Variants in OR6P1 observed in about 807,000 individuals in gnomAD.
The protein encoded by OR6P1 is olfactory receptor 6P1.
OR6P1 carries 5 observed loss-of-function variants against 6.6 expected under a neutral mutation model. That is an observed-to-expected ratio of 0.76 (90% confidence interval 0.40 to 1.60). The LOEUF is 1.60. Among genes scored for constraint, OR6P1 ranks in the 40% most tolerant of loss-of-function variants. OR6P1 has a pLI of 0.02. For missense variants in OR6P1, 451 were observed against 383.0 expected (o/e 1.18, Z -1.48); for synonymous variants, 177 against 149.6 (o/e 1.18, Z -1.33).
intron 1 of OR6P1, among the ~76,000 whole-genome samples, chr1:158,569,250 T>C (rs1048071996): frequency 2.6e-5 from 4 of 152,198 alleles, no homozygotes; most frequent in African/African-American, 9.7e-5. Context: ...CATGTAGATA[T>C]CACTTGGATC....
At chr1:158,570,274 A>C (rs1402673427) in intron 1 of OR6P1, among the ~76,000 whole-genome samples, 168 bp downstream of exon 1, 4 of 152,256 alleles carry the variant, frequency 2.6e-5, no homozygotes, top group African/African-American at 7.2e-5. Context: ...AATCATAAAC[A>C]CATGAACAAA....
chr1:158,569,998 G>A lies in OR6P1; in HGVS notation c.-118+444C>T, dbSNP rs576203785. Among the ~76,000 whole-genome samples the A allele has an allele frequency of 3.3e-5, 5 of 152,052 alleles. 1 individual carries two copies. In the South Asian group the frequency reaches 6.2e-4, roughly 19 times the overall value. On this transcript the variant is annotated intron_variant, in intron 1 of 2. Transcript: ENST00000641540. Reference sequence around the variant, plus strand: ...TTTTGTTTTTTTTTAAATCTCATTCGAATTCGTAGATATAGACTTAATATG... The same window carrying A: ...TTTTGTTTTTTTTTAAATCTCATTCAAATTCGTAGATATAGACTTAATATG...
chr1:158,566,504 G>A (rs953909270), intron 2 of OR6P1, among the ~76,000 whole-genome samples: 32 of 152,110 alleles, frequency 2.1e-4, no homozygotes, highest in African/African-American at 7.2e-4. Flanking sequence ...GAGATGCTAA[G>A]GCAGACTGAA....
rs375657403 is a variant in OR6P1, at chr1:158,567,347, G to A, written c.-117-489C>T. The stretch of plus-strand genomic sequence containing the variant: ...CTGCTATAAAGACACATGCACACGT[G>A]TGTTTATTGCGGCACTATTCACAAT... On this transcript the variant is annotated intron_variant, in intron 1 of 2. Coordinates refer to ENST00000641540, the MANE Select transcript of OR6P1 (RefSeq NM_001160325.2). 4.6e-3 allele frequency among the ~76,000 whole-genome samples: 694 copies of A among 150,588 alleles called. 3 individuals are homozygous for A. Among genetic ancestry groups the A allele is most frequent in the Non-Finnish European group, 6.7e-3 (451 of 67,470 alleles).
Position 158,563,520 on chromosome 1 carries a change from CAA to C in OR6P1, c.83_84del (p.Phe28CysfsTer63). 6.4e-7 allele frequency: 1 copy of C among 1,551,282 alleles called. No homozygotes were observed. The highest frequency in any genetic ancestry group is 8.7e-7 in the Non-Finnish European group (1 of 1,146,882). On this transcript the variant is annotated frameshift_variant, in exon 3 of 3. Transcript: ENST00000641540. LOFTEE classifies it low-confidence loss of function (END_TRUNC). ...PTTPPLQLLL[F>X]VLFFAIYLLT... ...AGAAGGTAAATTGCAAAAAAAAGGA[CAA>C]AGAGGAGCAGCTGGAGGGGAGGCGT... is the stretch of plus-strand genomic sequence containing the variant.
chr1:158,566,018 A>T (rs1225246410), intron 2 of OR6P1, among the ~76,000 whole-genome samples: 1 of 152,192 alleles, frequency 6.6e-6, no homozygotes, highest in African/African-American at 2.4e-5. Context: ...CTGCAAAAGG[A>T]TTTGATACCC....
At position 158,563,590 on chromosome 1, in the gene OR6P1, A is replaced by C; in HGVS notation, c.15T>G (p.Ser5Arg). 1 of 1,540,346 alleles carries C rather than the reference A, an allele frequency of 6.5e-7. No individual in the cohort carries two copies. The highest frequency in any genetic ancestry group is 8.7e-7 in the Non-Finnish European group (1 of 1,144,124). ...AGACAAACTCCTCGACATGGCCTCC[A>C]CTCAAATTTCTCATGGCTCTCTGTC... MRNL[S>R]GGHVEEFVLV... The change falls in exon 3 of 3, where the codon AGT becomes AGG. Residue 5 changes from serine (S) to arginine (R), a missense_variant. Physicochemically the swap from Ser to Arg is moderately radical, Grantham distance 110. Transcript: ENST00000641540.
intron 2 of OR6P1, among the ~76,000 whole-genome samples, 175 bp from the exon 3 acceptor site, chr1:158,563,801 G>A (rs1166761096): frequency 3.3e-5 from 5 of 152,166 alleles, no homozygotes; most frequent in African/African-American, 1.2e-4. Context: ...TAACAGACCT[G>A]AGTACTCAAT....
In OR6P1 at chr1:158,563,506, T is replaced by C. The variant is rs1258037547; in HGVS notation, c.99A>G (p.Ala33=). ...LQLLLFVLFF[A]IYLLTLLENA... ...TCTCCAACAATGTCAGAAGGTAAATTGCAAAAAAAAGGACAAAGAGGAGCA... is the reference window on the plus strand; with the variant it reads ...TCTCCAACAATGTCAGAAGGTAAATCGCAAAAAAAAGGACAAAGAGGAGCA... Residue 33 remains alanine, a synonymous_variant, in exon 3 of 3, where the codon GCA becomes GCG. Coordinates refer to ENST00000641540, the MANE Select transcript of OR6P1 (RefSeq NM_001160325.2). 6.5e-7 allele frequency: 1 copy of C among 1,549,270 alleles called. No homozygotes were observed. The highest frequency in any genetic ancestry group is 8.7e-7 in the Non-Finnish European group (1 of 1,146,332).
intron 1 of OR6P1, among the ~76,000 whole-genome samples, chr1:158,568,148 T>C (rs1410333096): frequency 6.6e-6 from 1 of 152,206 alleles, no homozygotes; most frequent in Non-Finnish European, 1.5e-5. Flanking sequence ...TTGTCTGTTC[T>C]TTTATTCTTT....
intron 1 of OR6P1, 104 bp from the exon 2 acceptor site, chr1:158,566,962 C>A (rs889704521): frequency 9.9e-5 from 15 of 152,058 alleles, no homozygotes; most frequent in Non-Finnish European, 2.2e-4. Context: ...AAACAAACAA[C>A]CCCATCAAAA....
In OR6P1 at chr1:158,566,875, A is replaced by C. The variant is rs1400500038; in HGVS notation, c.-117-17T>G. On this transcript the variant is annotated splice_polypyrimidine_tract_variant and intron_variant, in intron 1 of 2. Transcript: ENST00000641540. ...ACAGGCAACCTACAGAATGGGAGAA[A>C]ATTTTTGCAATCCACTCATCTGACA... The C allele has an allele frequency of 2.0e-5, 3 of 152,138 alleles. No homozygotes were observed. The highest frequency in any genetic ancestry group is 4.4e-5 in the Non-Finnish European group (3 of 68,020). 9.4% of individuals were successfully genotyped at this position (152,138 alleles called of 1,614,324 possible).
chr1:158,564,312 T>C (rs1648043311), intron 2 of OR6P1, among the ~76,000 whole-genome samples: 1 of 152,190 alleles, frequency 6.6e-6, no homozygotes, highest in Non-Finnish European at 1.5e-5. Context: ...CTGAAAGTTG[T>C]ACATGTCTTA....
chr1:158,569,798 A>G (rs964867257), intron 1 of OR6P1, among the ~76,000 whole-genome samples: 2 of 152,170 alleles, frequency 1.3e-5, no homozygotes, highest in Non-Finnish European at 2.9e-5. Flanking sequence ...AGTGGAATAA[A>G]CTTTGATAAT....
At chr1:158,568,715 A>C (rs1320416271) in intron 1 of OR6P1, among the ~76,000 whole-genome samples, 2 of 152,156 alleles carry the variant, frequency 1.3e-5, no homozygotes, top group African/African-American at 4.8e-5. Flanking sequence ...AGAGTTCTTC[A>C]AGACACCACT....
At chr1:158,565,059 AT>A (rs141061777) in intron 2 of OR6P1, among the ~76,000 whole-genome samples, 3 of 152,104 alleles carry the variant, frequency 2.0e-5, no homozygotes, top group African/African-American at 7.2e-5. Context: ...TTGACATCAA[AT>A]TTTTTATTTT....
rs1348203874 is a variant in OR6P1 at position 158,560,870 on chromosome 1, C to A, written c.*1781G>T. ...AAGCTATTATTTCCCACTAGATATC[C>A]TTAATACATTCATCATCCTCCCAGT... On this transcript the variant is annotated 3_prime_UTR_variant, in exon 3 of 3. Transcript: ENST00000641540. 1 of 152,112 alleles carries A rather than the reference C, an allele frequency of 6.6e-6. No homozygotes were observed. Among genetic ancestry groups the A allele is most frequent in the Non-Finnish European group, 1.5e-5 (1 of 68,014 alleles). The allele number at this position is 152,112 out of a possible 1,614,324, so 9.4% of individuals were successfully genotyped here. A position where few individuals can be genotyped will look rare whatever the true frequency, so the allele number is the denominator to read the frequency against.
rs527393568 is a variant in OR6P1 at position 158,563,578 on chromosome 1, G to C, written c.27C>G (p.Val9=). The part of the protein sequence containing the change: MRNLSGGH[V]EEFVLVGFPT... Reference sequence around the variant, plus strand: ...GGAAACCCACCAAGACAAACTCCTCGACATGGCCTCCACTCAAATTTCTCA... The same window carrying C: ...GGAAACCCACCAAGACAAACTCCTCCACATGGCCTCCACTCAAATTTCTCA... Residue 9 remains valine (V), a synonymous_variant, in exon 3 of 3, where the codon GTC becomes GTG. Transcript: ENST00000641540. 25 of 1,545,070 alleles carry C rather than the reference G, an allele frequency of 1.6e-5. No individual in the cohort carries two copies. The highest frequency in any genetic ancestry group is 2.2e-5 in the Non-Finnish European group (25 of 1,145,378).
chr1:158,560,664 C>T lies in OR6P1; in HGVS notation c.*1987G>A, dbSNP rs575868506. Reference sequence around the variant, plus strand: ...CTGAAAGCAGTTGAAGGAATAGACTCTGTCATTTAAAGTCTTAGCTCAGGT... The same window carrying T: ...CTGAAAGCAGTTGAAGGAATAGACTTTGTCATTTAAAGTCTTAGCTCAGGT... On this transcript the variant is annotated 3_prime_UTR_variant, in exon 3 of 3. Transcript: ENST00000641540. 2 of 152,294 alleles carry T rather than the reference C, an allele frequency of 1.3e-5. No homozygotes were observed. Among genetic ancestry groups the T allele is most frequent in the South Asian group, 4.1e-4 (2 of 4,820 alleles). 9.4% of individuals were successfully genotyped at this position (152,294 alleles called of 1,614,324 possible). A position where few individuals can be genotyped will look rare whatever the true frequency, so the allele number is the denominator to read the frequency against.
Sources: allele counts gnomAD v4.1 joint callset (sites outside exome capture counted in the v4.1 genomes callset), GRCh38; gene constraint gnomAD v4.1.1; transcripts MANE v1.5; gene names NCBI Gene and HGNC (gene_info 2026-07-23, HGNC 2026-07-21).